The following ERBB4 variants were observed in gnomAD, a reference collection of about 807,000 sequenced individuals.
ERBB4 encodes erb-b2 receptor tyrosine kinase 4.
ERBB4 carries 42 observed loss-of-function variants against 158.0 expected under a neutral mutation model. That is an observed-to-expected ratio of 0.27 (90% CI 0.21 to 0.34). The LOEUF (loss-of-function observed/expected upper bound fraction) is 0.34, where lower values mean the gene tolerates loss of function less well. ERBB4 is among the 10% of genes least tolerant of loss of function. The pLI is 1.00. For synonymous variants in ERBB4, 583 were observed against 558.7 expected (o/e 1.04, Z -0.61); for missense variants, 1,333 against 1,624.1 (o/e 0.82, Z 3.08).
chr2:211,603,174 T>C (rs576989496), intron 19 of ERBB4, among the ~76,000 whole-genome samples: 86 of 152,224 alleles, frequency 5.6e-4, no homozygotes, highest in African/African-American at 2.0e-3. Flanking sequence ...GAGGTTGCAG[T>C]GAGCCGAGAT....
At chr2:211,933,450 A>C (rs1009541658) in intron 3 of ERBB4, among the ~76,000 whole-genome samples, 1 of 152,112 alleles carries the variant, frequency 6.6e-6, no homozygotes, top group Admixed American at 6.6e-5. Context: ...TATGAAATTC[A>C]TATCAAATTT....
intron 1 of ERBB4, among the ~76,000 whole-genome samples, chr2:212,125,886 G>T (rs1243200628): frequency 6.6e-6 from 1 of 152,152 alleles, no homozygotes; most frequent in Non-Finnish European, 1.5e-5. Context: ...GCATAAACGT[G>T]CATGTGTCAT....
chr2:211,585,376 A>G (rs2068245033), intron 19 of ERBB4, among the ~76,000 whole-genome samples: 1 of 148,992 alleles, frequency 6.7e-6, no homozygotes, highest in African/African-American at 2.4e-5. Context: ...AGACTTCCTT[A>G]GGCTTAGAAA....
At chr2:212,282,549 T>C (rs2085799173) in intron 1 of ERBB4, among the ~76,000 whole-genome samples, 1 of 151,902 alleles carries the variant, frequency 6.6e-6, no homozygotes, top group Non-Finnish European at 1.5e-5. Flanking sequence ...TCATAAACAT[T>C]TCAAGGCCAA....
intron 20 of ERBB4, among the ~76,000 whole-genome samples, chr2:211,533,665 G>A (rs72939497): frequency 0.18 from 27,523 of 151,928 alleles, 2,967 homozygotes; most frequent in Non-Finnish European, 0.23. Context: ...TTTCAGATGA[G>A]ATTAAAGTAC....
At chr2:211,706,601 C>CAAAAAAAAAAA (rs201615846) in intron 9 of ERBB4, among the ~76,000 whole-genome samples, 1 of 94,462 alleles carries the variant, frequency 1.1e-5, no homozygotes, top group Non-Finnish European at 2.3e-5. Flanking sequence ...CTTAAAAAAA[C>CAAAAAAAAAAA]AAAAAAAAAA....
At chr2:212,182,519 AT>A (rs2125693004) in intron 1 of ERBB4, among the ~76,000 whole-genome samples, 1 of 152,036 alleles carries the variant, frequency 6.6e-6, no homozygotes, top group East Asian at 1.9e-4. Flanking sequence ...GGACATGAAC[AT>A]TCATCACTGT....
At chr2:212,147,999 T>G (rs2080739567) in intron 1 of ERBB4, among the ~76,000 whole-genome samples, 1 of 152,220 alleles carries the variant, frequency 6.6e-6, no homozygotes, top group African/African-American at 2.4e-5. Flanking sequence ...GGATGCACAC[T>G]TTTTATTGAA....
chr2:211,534,681 A>T (rs1336778654), intron 20 of ERBB4, among the ~76,000 whole-genome samples: 2 of 152,080 alleles, frequency 1.3e-5, no homozygotes, highest in African/African-American at 4.8e-5. Context: ...AATCATTGCT[A>T]TAAGTCTAAA....
In ERBB4 at chr2:212,338,597, G is replaced by A. The variant is rs150744118; in HGVS notation, c.82+199852C>T. 6.4e-4 allele frequency among the ~76,000 whole-genome samples: 97 copies of A among 152,070 alleles called. 1 individual carries two copies. The highest frequency in any genetic ancestry group is 2.0e-3 in the African/African-American group (85 of 41,490). ...GATGCAATTCAGAGAAAAGAGATAC[G>A]CACTAAAATATACAATATTTTTCTA... is the stretch of plus-strand genomic sequence containing the variant. On this transcript the variant is annotated intron_variant, in intron 1 of 27. Transcript: ENST00000342788.
intron 20 of ERBB4, among the ~76,000 whole-genome samples, chr2:211,509,424 TC>T (rs1372854995): frequency 9.2e-5 from 14 of 152,094 alleles, no homozygotes; most frequent in African/African-American, 3.1e-4. Flanking sequence ...CCCCTATCTT[TC>T]TAAATATACA....
intron 19 of ERBB4, among the ~76,000 whole-genome samples, chr2:211,570,336 T>TTTTTTTTTTTTG (rs2067682631): frequency 6.8e-6 from 1 of 146,306 alleles, no homozygotes; most frequent in Non-Finnish European, 1.5e-5. Flanking sequence ...TTTTTTTTTT[T>TTTTTTTTTTTTG]TTTTTTTCTC....
chr2:211,514,761 G>T lies in ERBB4; in HGVS notation c.2487+47142C>A, dbSNP rs2065979772. On this transcript the variant is annotated intron_variant, in intron 20 of 27. Coordinates refer to ENST00000342788, the MANE Select transcript of ERBB4 (RefSeq NM_005235.3). ...CATGTTTCAGATTTCAGGTTTCCTG[G>T]GATTTTGAAATATTTGTATTATACT... Among the ~76,000 whole-genome samples, 3 of 152,108 alleles carry T rather than the reference G, an allele frequency of 2.0e-5. No individual in the cohort carries two copies. In the South Asian group the frequency reaches 6.2e-4, roughly 32 times the overall value.
chr2:212,290,157 C>T (rs7608861), intron 1 of ERBB4, among the ~76,000 whole-genome samples: 3,495 of 152,150 alleles, frequency 0.023, 146 homozygotes, highest in African/African-American at 0.079. Context: ...CTTTTAACTA[C>T]AGAAATCATA....
chr2:212,126,304 A>G (rs751503232), intron 1 of ERBB4, among the ~76,000 whole-genome samples: 3 of 152,014 alleles, frequency 2.0e-5, no homozygotes, highest in African/African-American at 7.2e-5. Context: ...TACCAAAAAT[A>G]CAAAAATTAG....
rs566942682 is a variant in ERBB4 at position 211,742,115 on chromosome 2, G to A, written c.622+8524C>T. ...AAGGGTTTTAATTAAAGATGTTGGC[G>A]TGTACAAAGACTCGCTGTTATCCTG... On this transcript the variant is annotated intron_variant, in intron 5 of 27. Coordinates refer to ENST00000342788, the MANE Select transcript of ERBB4 (RefSeq NM_005235.3). 2.0e-4 allele frequency among the ~76,000 whole-genome samples: 30 copies of A among 152,338 alleles called. 2 individuals are homozygous for A. In the South Asian group the frequency reaches 4.1e-3, roughly 21 times the overall value.
intron 14 of ERBB4, among the ~76,000 whole-genome samples, chr2:211,667,500 A>G (rs1464846175): frequency 6.6e-6 from 1 of 151,766 alleles, no homozygotes; most frequent in Non-Finnish European, 1.5e-5. Context: ...GGAGTTTGCT[A>G]ATGGTAACTT....
chr2:211,985,517 A>G (rs1002693934), intron 2 of ERBB4, among the ~76,000 whole-genome samples: 4 of 152,160 alleles, frequency 2.6e-5, no homozygotes, highest in Admixed American at 6.5e-5. Context: ...AAAAGGGTTC[A>G]TAAGTGGCAA....
chr2:212,275,143 G>C (rs2085482005), intron 1 of ERBB4, among the ~76,000 whole-genome samples: 1 of 151,924 alleles, frequency 6.6e-6, no homozygotes, highest in South Asian at 2.1e-4. Flanking sequence ...TGGTGAACAT[G>C]TGCCAAATTT....
Sources: gnomAD v4.1 joint callset for allele counts (sites outside exome capture counted in the v4.1 genomes callset) on GRCh38, gnomAD v4.1.1 for gene constraint, MANE v1.5 for transcripts, NCBI Gene and HGNC (gene_info 2026-07-23, HGNC 2026-07-21) for gene names.